BAHD1: variants seen among roughly 807,000 people sequenced by gnomAD.
BAHD1 encodes the protein bromo adjacent homology domain-containing 1 protein.
In BAHD1, 20 loss-of-function variants were observed where a neutral mutation model predicts 63.1. The observed-to-expected ratio is 0.32, with a 90% CI of 0.22 to 0.46. The LOEUF (loss-of-function observed/expected upper bound fraction) is 0.46. Among genes scored for constraint, BAHD1 ranks in the 20% least tolerant of loss-of-function variants. BAHD1 has a pLI of 1.00. For missense variants in BAHD1, 939 were observed against 1,071.8 expected, an observed-to-expected ratio of 0.88 and a Z score of 1.73; for synonymous variants, 408 against 426.8, an observed-to-expected ratio of 0.96 and a Z score of 0.54.
rs779191657 is a variant in BAHD1 at position 40,465,451 on chromosome 15, C to T, written c.2153+16C>T. The stretch of plus-strand genomic sequence containing the variant: ...AGTACTGCAGGTAGGTGGTTCCCTG[C>T]ACCCTCTGGCTGGCCTCTTCCCTCA... On this transcript the variant is annotated intron_variant, in intron 6 of 6. Transcript: ENST00000416165. 16 of 1,604,062 alleles carry T rather than the reference C, an allele frequency of 1.0e-5. No homozygotes were observed. Among genetic ancestry groups the T allele is most frequent in the Non-Finnish European group, 1.4e-5 (16 of 1,171,034 alleles).
intron 1 of BAHD1, among the ~76,000 whole-genome samples, chr15:40,448,672 G>T (rs1328013030): frequency 6.6e-6 from 1 of 152,088 alleles, no homozygotes. Flanking sequence ...AAGTAGCTGG[G>T]ACTACAGGCA....
At chr15:40,447,155 G>A (rs1893562254) in intron 1 of BAHD1, among the ~76,000 whole-genome samples, 1 of 152,210 alleles carries the variant, frequency 6.6e-6, no homozygotes, top group Admixed American at 6.5e-5. Flanking sequence ...AGAAGGAGGG[G>A]TGAAGTCACG....
intron 4 of BAHD1, 186 bp from the exon 5 acceptor site, chr15:40,464,285 C>T (rs977236468): frequency 1.5e-6 from 1 of 653,672 alleles, no homozygotes; most frequent in Non-Finnish European, 2.6e-6. Context: ...GCCTTCTCCC[C>T]CTTCTCCCTC....
At chr15:40,453,778 T>C (rs1038556279) in intron 1 of BAHD1, 2 of 151,974 alleles carry the variant, frequency 1.3e-5, no homozygotes, top group African/African-American at 4.8e-5. Flanking sequence ...AGTGAGGCCC[T>C]CTACCCCCGG....
Position 40,464,339 on chromosome 15 carries a change from C to A in BAHD1, c.1976-132C>A, listed in dbSNP as rs574400845. The A allele has an allele frequency of 1.7e-4, 131 of 770,174 alleles. 1 individual carries two copies. In the Middle Eastern group the frequency reaches 1.8e-3, roughly 11 times the overall value. The allele number at this position is 770,174 out of a possible 1,614,324, so 47.7% of individuals were successfully genotyped here. A position where few individuals can be genotyped will look rare whatever the true frequency, so the allele number is the denominator to read the frequency against. On this transcript the variant is annotated intron_variant, in intron 4 of 6. Coordinates refer to ENST00000416165, the MANE Select transcript of BAHD1 (RefSeq NM_014952.5). ...AGGCCTCTGAATGCTTGGCCTGGGGCAGGGGACATGGGTTGCCGGAGCCTG... is the reference window on the plus strand; with the variant it reads ...AGGCCTCTGAATGCTTGGCCTGGGGAAGGGGACATGGGTTGCCGGAGCCTG...
At chr15:40,452,534 C>T (rs1893736445) in intron 1 of BAHD1, among the ~76,000 whole-genome samples, 1 of 152,206 alleles carries the variant, frequency 6.6e-6, no homozygotes, top group Non-Finnish European at 1.5e-5. Flanking sequence ...CTGCCCCGGC[C>T]CTCTTGCTCA....
upstream of BAHD1, among the ~76,000 whole-genome samples, chr15:40,438,340 C>T (rs1893319516): frequency 1.3e-5 from 2 of 152,200 alleles, no homozygotes; most frequent in Admixed American, 1.3e-4. Context: ...CTTTGGGGGA[C>T]AGGCAGGGTG....
At chr15:40,437,480 A>T (rs940750043), upstream of BAHD1, among the ~76,000 whole-genome samples, 4 of 152,160 alleles carry the variant, frequency 2.6e-5, no homozygotes, top group African/African-American at 9.6e-5. Context: ...ATGATGGGGG[A>T]GGGGGCAAGT....
chr15:40,463,668 A>G (rs1041751043), intron 3 of BAHD1, among the ~76,000 whole-genome samples, 193 bp from the exon 4 acceptor site: 48 of 152,094 alleles, frequency 3.2e-4, no homozygotes, highest in African/African-American at 1.1e-3. Flanking sequence ...TTCCACCCCT[A>G]TTCCCTTTTC....
Position 40,459,301 on chromosome 15 carries a change from T to C in BAHD1, c.837T>C (p.Pro279=), listed in dbSNP as rs1458153170. 6 of 1,613,030 alleles carry C rather than the reference T, an allele frequency of 3.7e-6. No individual in the cohort carries two copies. The Admixed American group carries it at 5.0e-5, about 13-fold the overall frequency. Residue 279 remains proline, a synonymous_variant, in exon 2 of 7, where the codon CCT becomes CCC. Coordinates refer to ENST00000416165, the MANE Select transcript of BAHD1 (RefSeq NM_014952.5). The part of the protein sequence containing the change: ...AAGPPGWQGC[P]DEPWPSATPC... ...GCCCACCTGGCTGGCAAGGCTGCCC[T>C]GATGAACCATGGCCATCTGCAACTC...
chr15:40,455,099 C>T (rs1004202023), intron 1 of BAHD1, among the ~76,000 whole-genome samples: 1 of 152,222 alleles, frequency 6.6e-6, no homozygotes, highest in African/African-American at 2.4e-5. Context: ...CTTAAGATGC[C>T]GAGTGGCTGG....
chr15:40,439,840 C>T (rs1399562838), upstream of BAHD1: 2 of 152,382 alleles, frequency 1.3e-5, no homozygotes, highest in East Asian at 1.9e-4. Context: ...TCCCATCTCT[C>T]TCTGTGCCCT....
Position 40,465,338 on chromosome 15 carries a change from T to C in BAHD1, c.2056T>C (p.Leu686=). ...CCTCCACCTGTCTCCCTTTGAGCCC[T>C]TGCAGAATGAAGTGTTTGCATCGCG... ...GGRSPSMHEP[L]QNEVFASRHQ... is the part of the protein sequence containing the mutation. The change falls in exon 6 of 7, where the codon TTG becomes CTG. Residue 686 remains leucine, a synonymous_variant. Transcript: ENST00000416165. The C allele has an allele frequency of 1.2e-6, 2 of 1,614,100 alleles. No individual in the cohort carries two copies. The highest frequency in any genetic ancestry group is 1.7e-6 in the Non-Finnish European group (2 of 1,179,966).
At chr15:40,452,905 G>C (rs1304492677) in intron 1 of BAHD1, among the ~76,000 whole-genome samples, 1 of 152,240 alleles carries the variant, frequency 6.6e-6, no homozygotes, top group Non-Finnish European at 1.5e-5. Flanking sequence ...CAAGGGAAAA[G>C]GAGTGTCATC....
chr15:40,451,270 G>GT (rs1893695203), intron 1 of BAHD1, among the ~76,000 whole-genome samples: 1 of 151,962 alleles, frequency 6.6e-6, no homozygotes, highest in Non-Finnish European at 1.5e-5. Flanking sequence ...TGTTCCCACG[G>GT]TACACGTGGC....
At chr15:40,441,611 C>T (rs1262812008) in intron 1 of BAHD1, among the ~76,000 whole-genome samples, 7 of 146,540 alleles carry the variant, frequency 4.8e-5, no homozygotes, top group Admixed American at 4.7e-4. Flanking sequence ...GCAGCTCGGC[C>T]GGGCGGCGGC....
intron 1 of BAHD1, among the ~76,000 whole-genome samples, chr15:40,446,219 A>G (rs1209172491): frequency 6.6e-6 from 1 of 152,180 alleles, no homozygotes; most frequent in African/African-American, 2.4e-5. Context: ...TACTGCCACT[A>G]ATGATCAGTA....
chr15:40,465,254 C>T (rs1894167747), intron 5 of BAHD1, 81 bp from the exon 6 acceptor site: 2 of 1,276,138 alleles, frequency 1.6e-6, no homozygotes, highest in Admixed American at 3.5e-5. Context: ...GCAGGCCCAG[C>T]AGAGGGGTTA....
At chr15:40,441,848 G>C (rs1367988208) in intron 1 of BAHD1, among the ~76,000 whole-genome samples, 1 of 150,984 alleles carries the variant, frequency 6.6e-6, no homozygotes, top group Non-Finnish European at 1.5e-5. Context: ...TTGCTGGATG[G>C]GGGGCAGGGG....
Sources: gnomAD v4.1 joint callset for allele counts (sites outside exome capture counted in the v4.1 genomes callset) on GRCh38, gnomAD v4.1.1 for gene constraint, MANE v1.5 for transcripts, NCBI Gene and HGNC (gene_info 2026-07-23, HGNC 2026-07-21) for gene names.